Variants in USP24 observed in about 807,000 individuals in gnomAD.
The protein encoded by USP24 is ubiquitin specific peptidase 24, also known as ubiquitin carboxyl-terminal hydrolase 24.
A neutral mutation model predicts 361.6 loss-of-function variants in USP24; 97 were observed. That is an observed-to-expected ratio of 0.27 (90% CI 0.23 to 0.32). The LOEUF is 0.32. USP24 is among the 10% of genes least tolerant of loss of function. USP24 has a pLI of 1.00. For missense variants in USP24, 2,353 were observed against 3,165.6 expected, an observed-to-expected ratio of 0.74 and a Z score of 6.16; for synonymous variants, 1,098 against 1,124.6, an observed-to-expected ratio of 0.98 and a Z score of 0.47.
Position 55,068,992 on chromosome 1 carries a change from G to T in USP24, c.*53C>A. On this transcript the variant is annotated 3_prime_UTR_variant, in exon 68 of 68. Transcript: ENST00000294383. Reference sequence around the variant, plus strand: ...GGTTCGAGATTCTGATTCCAAGAAGGTGCTGAGCATCCAGTATTGTGTCTT... The same window carrying T: ...GGTTCGAGATTCTGATTCCAAGAAGTTGCTGAGCATCCAGTATTGTGTCTT... 6.3e-7 allele frequency: 1 copy of T among 1,582,362 alleles called. No homozygotes were observed. The highest frequency in any genetic ancestry group is 1.7e-5 in the Admixed American group (1 of 59,830).
chr1:55,149,658 A>G (rs1474599894), intron 16 of USP24, among the ~76,000 whole-genome samples: 2 of 152,176 alleles, frequency 1.3e-5, no homozygotes, highest in Non-Finnish European at 2.9e-5. Flanking sequence ...CACTTTAGAC[A>G]ATTATGTCAA....
chr1:55,072,245 A>G (rs1377761957), intron 66 of USP24, 72 bp downstream of exon 66: 4 of 1,270,986 alleles, frequency 3.1e-6, no homozygotes, highest in Non-Finnish European at 3.4e-6. Flanking sequence ...CAGAGGTTGC[A>G]GTTTCTGAGA....
rs1347561916 is a variant in USP24 at position 55,199,612 on chromosome 1, T to A, written c.324+15178A>T. On this transcript the variant is annotated intron_variant, in intron 1 of 67. Transcript: ENST00000294383. Reference sequence around the variant, plus strand: ...AAGTGTGTGTGTGTGTGTGTGTGTGTGTGTGTGTGTGAGAGAGAGAGAGAC... The same window carrying A: ...AAGTGTGTGTGTGTGTGTGTGTGTGAGTGTGTGTGTGAGAGAGAGAGAGAC... 3.0e-3 allele frequency among the ~76,000 whole-genome samples: 447 copies of A among 147,560 alleles called. 5 individuals are homozygous for A. Among genetic ancestry groups the A allele is most frequent in the African/African-American group, 0.011 (408 of 37,876 alleles).
chr1:55,183,347 C>A (rs1451808937), intron 1 of USP24, among the ~76,000 whole-genome samples: 1 of 152,140 alleles, frequency 6.6e-6, no homozygotes, highest in Non-Finnish European at 1.5e-5. Context: ...TTTATACACA[C>A]ATGCACATTA....
In USP24 at chr1:55,106,405, T is replaced by C. The variant is rs994073182; in HGVS notation, c.4763-142A>G. On this transcript the variant is annotated intron_variant, in intron 40 of 67. Coordinates refer to ENST00000294383, the MANE Select transcript of USP24 (RefSeq NM_015306.3). Reference sequence around the variant, plus strand: ...ATTTAGTTTAATTTAATGTTTGTTTTTGGAGGACTTACTACATGGCAAAGC... The same window carrying C: ...ATTTAGTTTAATTTAATGTTTGTTTCTGGAGGACTTACTACATGGCAAAGC... 1.4e-5 allele frequency: 9 copies of C among 665,200 alleles called. No homozygotes were observed. The Admixed American group carries it at 1.4e-4, about 11-fold the overall frequency. The allele number at this position is 665,200 out of a possible 1,614,324, so 41.2% of individuals were successfully genotyped here.
At chr1:55,172,591 C>T (rs969826797) in intron 3 of USP24, 71 bp from the exon 4 acceptor site, 11 of 1,456,872 alleles carry the variant, frequency 7.6e-6, no homozygotes, top group Non-Finnish European at 1.0e-5. Context: ...TTATCAAGTC[C>T]ATCTCAAATA....
intron 1 of USP24, among the ~76,000 whole-genome samples, chr1:55,212,023 G>A (rs1367120757): frequency 6.6e-6 from 1 of 151,700 alleles, no homozygotes; most frequent in African/African-American, 2.4e-5. Context: ...TTTTTCCTTT[G>A]AAAGAGAGCC....
intron 63 of USP24, among the ~76,000 whole-genome samples, chr1:55,074,298 G>A (rs1013823191): frequency 1.3e-5 from 2 of 151,968 alleles, no homozygotes; most frequent in Non-Finnish European, 2.9e-5. Context: ...ATGATGCTAG[G>A]GTCAGTTCAG....
chr1:55,095,678 T>TTAGG (rs1645481521), intron 50 of USP24, among the ~76,000 whole-genome samples: 1 of 152,126 alleles, frequency 6.6e-6, no homozygotes, highest in Non-Finnish European at 1.5e-5. Flanking sequence ...AGAAGGTAAG[T>TTAGG]ATCCTAGGGA....
chr1:55,172,420 T>C lies in USP24; in HGVS notation c.659A>G (p.Lys220Arg), dbSNP rs1649544356. 1 of 1,613,332 alleles carries C rather than the reference T, an allele frequency of 6.2e-7. No individual in the cohort carries two copies. Reference sequence around the variant, plus strand: ...GAGACCAGTGGGAATTGGATCTTGTTTTATTCTCTCTGCGACCAGTTCTAT... The same window carrying C: ...GAGACCAGTGGGAATTGGATCTTGTCTTATTCTCTCTGCGACCAGTTCTAT... Reference protein sequence around the residue: ...LLIELVAERIKQDPIPTGLLG... With the variant: ...LLIELVAERIRQDPIPTGLLG... Residue 220 changes from lysine to arginine, a missense_variant, in exon 4 of 68, where the codon AAA becomes AGA. By Grantham distance (26) the Lys-to-Arg change is conservative. This residue lies in a region of USP24 where 386 missense variants were observed against 560.5 expected (regional missense o/e 0.69). Transcript: ENST00000294383.
At chr1:55,117,358 T>C (rs575065484) in intron 38 of USP24, among the ~76,000 whole-genome samples, 1 of 152,222 alleles carries the variant, frequency 6.6e-6, no homozygotes, top group South Asian at 2.1e-4. Context: ...CTAAAAGACA[T>C]CCAAATTGAA....
At chr1:55,094,961 C>A (rs1645463590) in intron 51 of USP24, among the ~76,000 whole-genome samples, 1 of 151,898 alleles carries the variant, frequency 6.6e-6, no homozygotes, top group African/African-American at 2.4e-5. Context: ...TATGATCATG[C>A]CACTGCACTC....
intron 38 of USP24, among the ~76,000 whole-genome samples, chr1:55,110,963 A>T (rs1005706445): frequency 6.6e-6 from 1 of 152,092 alleles, no homozygotes; most frequent in Non-Finnish European, 1.5e-5. Flanking sequence ...CAAACTAATG[A>T]GGAGAATATA....
At chr1:55,145,797 T>G (rs1356103244) in intron 20 of USP24, among the ~76,000 whole-genome samples, 1 of 152,188 alleles carries the variant, frequency 6.6e-6, no homozygotes, top group African/African-American at 2.4e-5. Flanking sequence ...GCAGGCCATA[T>G]GATTTAAAAA....
chr1:55,099,941 A>G, intron 44 of USP24, 72 bp from the exon 45 acceptor site: 1 of 1,099,014 alleles, frequency 9.1e-7, no homozygotes, highest in South Asian at 1.4e-5. Flanking sequence ...GGGAACATGA[A>G]AGAGCACTTA....
chr1:55,196,841 A>G (rs74073065), intron 1 of USP24, among the ~76,000 whole-genome samples: 5,537 of 152,250 alleles, frequency 0.036, 320 homozygotes, highest in African/African-American at 0.13. Flanking sequence ...CTGCCCGTTG[A>G]GTTCCAGCCA....
rs1646786376 is a variant in USP24 at position 55,138,021 on chromosome 1, A to G, written c.2929-117T>C. 3.1e-6 allele frequency: 3 copies of G among 974,716 alleles called. No individual in the cohort carries two copies. In the South Asian group the frequency reaches 4.8e-5, roughly 16 times the overall value. The allele number at this position is 974,716 out of a possible 1,614,324, so 60.4% of individuals were successfully genotyped here. A position where few individuals can be genotyped will look rare whatever the true frequency, so the allele number is the denominator to read the frequency against. ...GTTCTAGAAGCTGGGAACACAGCAG[A>G]GAACATAAAGACAAGAACCCCTGCC... On this transcript the variant is annotated intron_variant, in intron 26 of 67. Coordinates refer to ENST00000294383, the MANE Select transcript of USP24 (RefSeq NM_015306.3).
At chr1:55,148,672 A>G in intron 16 of USP24, 102 bp from the exon 17 acceptor site, 1 of 780,374 alleles carries the variant, frequency 1.3e-6, no homozygotes. Context: ...ACTGTTACAC[A>G]TTTTATTATT....
Position 55,110,223 on chromosome 1 carries a change from T to C in USP24, c.4532A>G (p.Tyr1511Cys). Residue 1511 changes from tyrosine to cysteine, a missense_variant, in exon 39 of 68, where the codon TAT becomes TGT. Tyr to Cys is a radical substitution (Grantham distance 194). Transcript: ENST00000294383. The stretch of plus-strand genomic sequence containing the variant: ...TAATAACTGGCATCTCAAATCAAAA[T>C]ACTCCATACACTGAGATAACAGTCT... The part of the protein sequence containing the change: ...NQRLLSQCME[Y>C]FDLRCQLLDD... The C allele has an allele frequency of 6.4e-7, 1 of 1,553,646 alleles. No homozygotes were observed. Among genetic ancestry groups the C allele is most frequent in the Non-Finnish European group, 8.7e-7 (1 of 1,147,972 alleles).
Sources: gnomAD v4.1 joint callset for allele counts (sites outside exome capture counted in the v4.1 genomes callset) on GRCh38, gnomAD v4.1.1 for gene constraint, gnomAD v4.1.1 regional missense constraint, MANE v1.5 for transcripts, NCBI Gene and HGNC (gene_info 2026-07-23, HGNC 2026-07-21) for gene names.